ALK: variants seen among roughly 807,000 people sequenced by gnomAD.
The protein encoded by ALK is ALK tyrosine kinase receptor.
ALK carries 74 observed loss-of-function variants against 163.1 expected under a neutral mutation model. The observed-to-expected ratio is 0.45, with a 90% confidence interval of 0.38 to 0.55. The LOEUF is 0.55. Among genes scored for constraint, ALK ranks in the 20% least tolerant of loss-of-function variants. The probability of loss-of-function intolerance (pLI) is 0.00; values close to 1 mark genes in which losing one functional copy is unlikely to be tolerated. For synonymous variants in ALK, 960 were observed against 843.2 expected (o/e 1.14, Z -2.40); for missense variants, 2,063 against 2,105.3 (o/e 0.98, Z 0.39).
At chr2:29,563,196 C>T (rs945304348) in intron 3 of ALK, among the ~76,000 whole-genome samples, 1 of 152,208 alleles carries the variant, frequency 6.6e-6, no homozygotes, top group Non-Finnish European at 1.5e-5. Context: ...ATATTGAATA[C>T]TCATAATCTG....
rs536072766 is a variant in ALK at position 29,755,521 on chromosome 2, C to T, written c.668-37824G>A. On this transcript the variant is annotated intron_variant, in intron 1 of 28. Coordinates refer to ENST00000389048, the MANE Select transcript of ALK (RefSeq NM_004304.5). Reference sequence around the variant, plus strand: ...GGCCCAGGATGGAAAACGTTAGCTTCAAGTCTTCCTTCTCTGGAATGGATT... The same window carrying T: ...GGCCCAGGATGGAAAACGTTAGCTTTAAGTCTTCCTTCTCTGGAATGGATT... Among the ~76,000 whole-genome samples, 13 of 152,302 alleles carry T rather than the reference C, an allele frequency of 8.5e-5. No individual in the cohort carries two copies. In the East Asian group the frequency reaches 2.3e-3, roughly 27 times the overall value.
intron 9 of ALK, among the ~76,000 whole-genome samples, chr2:29,281,506 T>TC (rs1276444088): frequency 6.6e-6 from 1 of 152,244 alleles, no homozygotes; most frequent in African/African-American, 2.4e-5. Context: ...TCGTACCTGC[T>TC]CAGCTCTTTC....
intron 3 of ALK, among the ~76,000 whole-genome samples, chr2:29,689,835 C>G (rs1678343797): frequency 6.6e-6 from 1 of 152,154 alleles, no homozygotes; most frequent in Non-Finnish European, 1.5e-5. Flanking sequence ...GACAAGGACA[C>G]AGGAGGTATG....
intron 1 of ALK, among the ~76,000 whole-genome samples, chr2:29,918,630 A>G (rs1361574474): frequency 1.3e-5 from 2 of 152,218 alleles, no homozygotes; most frequent in African/African-American, 2.4e-5. Context: ...TGGGGGTCAC[A>G]TACTAGTATG....
At chr2:29,912,682 CAT>C (rs907164446) in intron 1 of ALK, among the ~76,000 whole-genome samples, 20 of 151,358 alleles carry the variant, frequency 1.3e-4, no homozygotes, top group South Asian at 2.1e-4. Context: ...GCATGACTGG[CAT>C]ATATATATAT....
chr2:29,547,491 G>A (rs1234717013), intron 3 of ALK, among the ~76,000 whole-genome samples: 1 of 152,220 alleles, frequency 6.6e-6, no homozygotes, highest in Non-Finnish European at 1.5e-5. Flanking sequence ...TAGGTACTCA[G>A]GAGGCTGAGG....
chr2:29,839,258 G>A (rs954447203), intron 1 of ALK, among the ~76,000 whole-genome samples: 4 of 152,162 alleles, frequency 2.6e-5, no homozygotes, highest in Admixed American at 1.3e-4. Context: ...ATTTTCTTGC[G>A]TGTTCTAATC....
At chr2:29,845,302 G>C (rs940323331) in intron 1 of ALK, among the ~76,000 whole-genome samples, 1 of 152,166 alleles carries the variant, frequency 6.6e-6, no homozygotes, top group Non-Finnish European at 1.5e-5. Context: ...GGTGTTCCCT[G>C]GCACTTTAAT....
At chr2:29,899,999 T>C (rs1000732883) in intron 1 of ALK, among the ~76,000 whole-genome samples, 6 of 152,344 alleles carry the variant, frequency 3.9e-5, no homozygotes, top group African/African-American at 1.4e-4. Context: ...GTGGGCTTCA[T>C]CATCATGGGC....
intron 4 of ALK, among the ~76,000 whole-genome samples, chr2:29,387,723 C>T (rs1029654203): frequency 2.6e-5 from 4 of 152,076 alleles, no homozygotes; most frequent in African/African-American, 9.7e-5. Flanking sequence ...AAATAATATC[C>T]CACAGAGGTG....
chr2:29,505,909 T>C (rs1165079755), intron 4 of ALK, among the ~76,000 whole-genome samples: 5 of 151,784 alleles, frequency 3.3e-5, no homozygotes, highest in Non-Finnish European at 7.4e-5. Context: ...ATAATGTAAG[T>C]GGCTGCATAT....
chr2:29,793,742 G>T (rs1664242003), intron 1 of ALK, among the ~76,000 whole-genome samples: 1 of 152,160 alleles, frequency 6.6e-6, no homozygotes, highest in Non-Finnish European at 1.5e-5. Context: ...TGAGCAGTAG[G>T]TATTAAAAAT....
At chr2:29,316,785 A>G (rs1044818225) in intron 8 of ALK, among the ~76,000 whole-genome samples, 20 of 152,318 alleles carry the variant, frequency 1.3e-4, no homozygotes, top group Admixed American at 1.2e-3. Flanking sequence ...TAATGAATCT[A>G]TTTATTTGTG....
At chr2:29,343,089 T>C (rs1049883004) in intron 5 of ALK, among the ~76,000 whole-genome samples, 7 of 151,512 alleles carry the variant, frequency 4.6e-5, no homozygotes, top group Admixed American at 1.3e-4. Context: ...GGTTTCACCA[T>C]GTTAGCCAGG....
At chr2:29,530,062 C>CTTTT (rs10536963) in intron 4 of ALK, among the ~76,000 whole-genome samples, 2 of 101,892 alleles carry the variant, frequency 2.0e-5, no homozygotes, top group African/African-American at 7.0e-5. Context: ...AATAATCGCT[C>CTTTT]TTTTTTTTTT....
intron 3 of ALK, among the ~76,000 whole-genome samples, chr2:29,629,526 GA>G (rs1342049090): frequency 6.6e-6 from 1 of 152,166 alleles, no homozygotes; most frequent in Admixed American, 6.5e-5. Context: ...AAGTTTAGAG[GA>G]AAATCTTGAA....
intron 1 of ALK, among the ~76,000 whole-genome samples, chr2:29,823,286 C>T (rs1056811905): frequency 2.6e-5 from 4 of 152,124 alleles, no homozygotes; most frequent in Non-Finnish European, 5.9e-5. Context: ...TGCCCAGTCT[C>T]AGATATATCA....
At position 29,745,053 on chromosome 2, in the gene ALK, T is replaced by A. The variant is rs557423205; in HGVS notation, c.668-27356A>T. On this transcript the variant is annotated intron_variant, in intron 1 of 28. Coordinates refer to ENST00000389048, the MANE Select transcript of ALK (RefSeq NM_004304.5). ...TTTTTCTACCACATGGGTTAGAAAGTGAGGAATCGATTTTCACTGTTTTAA... is the reference window on the plus strand; with the variant it reads ...TTTTTCTACCACATGGGTTAGAAAGAGAGGAATCGATTTTCACTGTTTTAA... Among the ~76,000 whole-genome samples the A allele has an allele frequency of 4.6e-5, 7 of 152,282 alleles. No homozygotes were observed. In the East Asian group the frequency reaches 9.6e-4, roughly 21 times the overall value.
rs1208409389 is a variant in ALK at position 29,193,393 on chromosome 2, T to C, written c.4694A>G (p.Asn1565Ser). Residue 1565 changes from asparagine (N) to serine (S), a missense_variant, in exon 29 of 29, where the codon AAT becomes AGT. Coordinates refer to ENST00000389048, the MANE Select transcript of ALK (RefSeq NM_004304.5). ...CCTGAACAGAGGTACCTCCTTCATA[T>C]TGGCAGTCAGCGAAGAGGGCTCTAG... ...LLLEPSSLTA[N>S]MKEVPLFRLR... 1.2e-6 allele frequency: 2 copies of C among 1,614,046 alleles called. No homozygotes were observed. The highest frequency in any genetic ancestry group is 1.7e-6 in the Non-Finnish European group (2 of 1,180,026).
Sources: gnomAD v4.1 joint callset for allele counts (sites outside exome capture counted in the v4.1 genomes callset) on GRCh38, gnomAD v4.1.1 for gene constraint, MANE v1.5 for transcripts, NCBI Gene and HGNC (gene_info 2026-07-23, HGNC 2026-07-21) for gene names.